GARIN1A: variants seen among roughly 807,000 people sequenced by gnomAD.
The protein encoded by GARIN1A is Golgi-associated RAB2 interactor protein 1A.
the GARIN1A span, among the ~76,000 whole-genome samples, chr7:128,703,360 A>C: frequency 2.2e-4 from 33 of 152,260 alleles, no homozygotes; most frequent in African/African-American, 8.0e-4. Context: ...TTAAACTGTA[A>C]ATAGTAAAAG....
At chr7:128,700,111 G>A in the GARIN1A span, among the ~76,000 whole-genome samples, 8 of 151,658 alleles carry the variant, frequency 5.3e-5, no homozygotes, top group African/African-American at 1.5e-4. Flanking sequence ...TTCTCTTTTT[G>A]AAATGGGGTC....
the GARIN1A span, among the ~76,000 whole-genome samples, chr7:128,682,333 G>A: frequency 1.3e-5 from 2 of 152,140 alleles, no homozygotes; most frequent in African/African-American, 4.8e-5. Flanking sequence ...TTTTGTCTTT[G>A]AGTCATAATA....
the GARIN1A span, among the ~76,000 whole-genome samples, chr7:128,706,070 C>G: frequency 6.6e-6 from 1 of 152,014 alleles, no homozygotes; most frequent in Admixed American, 6.5e-5. Context: ...CTCATAGGTT[C>G]CAATTTTATT....
the GARIN1A span, among the ~76,000 whole-genome samples, chr7:128,689,798 C>T: frequency 1.4e-5 from 2 of 147,332 alleles, no homozygotes; most frequent in Admixed American, 1.3e-4. Flanking sequence ...GGGGGTCAGC[C>T]CCCGCCCAGC....
chr7:128,693,515 G>T, the GARIN1A span: 1 of 189,388 alleles, frequency 5.3e-6, no homozygotes, highest in Non-Finnish European at 1.2e-5. Context: ...TGAAATGGGA[G>T]GTCACGGACC....
chr7:128,693,895 A>G, the GARIN1A span: 4 of 155,018 alleles, frequency 2.6e-5, no homozygotes, highest in East Asian at 7.5e-4. Context: ...GCCATCATAC[A>G]ACGGGGAGTG....
chr7:128,691,353 G>A, the GARIN1A span: 1 of 152,428 alleles, frequency 6.6e-6, no homozygotes, highest in Middle Eastern at 3.3e-3. Flanking sequence ...AGATCAGAGA[G>A]GATGAGGAGA....
At chr7:128,681,447 TCTCCC>T in the GARIN1A span, among the ~76,000 whole-genome samples, 36 of 59,108 alleles carry the variant, frequency 6.1e-4, 1 homozygote, top group East Asian at 1.6e-3. Flanking sequence ...CCTCCCCTCC[TCTCCC>T]CTCCCCTCCC....
chr7:128,686,251 C>G, the GARIN1A span: 2 of 152,104 alleles, frequency 1.3e-5, no homozygotes, highest in East Asian at 1.9e-4. Flanking sequence ...CAATTGGTCT[C>G]CCAGACTTTA....
At chr7:128,680,048 G>A in the GARIN1A span, 8 of 1,569,242 alleles carry the variant, frequency 5.1e-6, no homozygotes, top group Admixed American at 7.5e-5. Flanking sequence ...ACAGCCTCCT[G>A]TCATCCCCCC....
the GARIN1A span, among the ~76,000 whole-genome samples, chr7:128,699,346 G>C: frequency 7.3e-6 from 1 of 137,576 alleles, no homozygotes; most frequent in Non-Finnish European, 1.5e-5. Context: ...ATTTGTTCTT[G>C]TGTAATCTCA....
chr7:128,679,220 A>C, the GARIN1A span, among the ~76,000 whole-genome samples: 1 of 151,516 alleles, frequency 6.6e-6, no homozygotes, highest in African/African-American at 2.4e-5. Flanking sequence ...TTGAGATGGA[A>C]TCTCACTCTG....
chr7:128,679,278 C>T, the GARIN1A span, among the ~76,000 whole-genome samples: 11 of 151,814 alleles, frequency 7.2e-5, no homozygotes, highest in Admixed American at 6.6e-4. Flanking sequence ...CTGAAACCTC[C>T]GCCTCCCAGG....
At chr7:128,685,716 G>A in the GARIN1A span, 3 of 152,324 alleles carry the variant, frequency 2.0e-5, no homozygotes, top group South Asian at 2.1e-4. Context: ...TGTGCAGGGT[G>A]ATTGTACTTC....
the GARIN1A span, among the ~76,000 whole-genome samples, chr7:128,703,922 G>A: frequency 6.6e-6 from 1 of 152,178 alleles, no homozygotes; most frequent in African/African-American, 2.4e-5. Flanking sequence ...GTTGGAGGAT[G>A]CATTACCCTG....
chr7:128,689,715 G>A, the GARIN1A span, among the ~76,000 whole-genome samples: 569 of 146,622 alleles, frequency 3.9e-3, 21 homozygotes, highest in African/African-American at 0.014. Flanking sequence ...GTCCCCGCCC[G>A]GCAGCCACCC....
chr7:128,678,933 C>T, the GARIN1A span, among the ~76,000 whole-genome samples: 1 of 151,040 alleles, frequency 6.6e-6, no homozygotes, highest in Non-Finnish European at 1.5e-5. Flanking sequence ...AGCATTGTTG[C>T]ATACATATAT....
At chr7:128,688,973 G>A in the GARIN1A span, among the ~76,000 whole-genome samples, 28 of 151,556 alleles carry the variant, frequency 1.8e-4, no homozygotes, top group African/African-American at 6.8e-4. Context: ...ACTGGTTTTC[G>A]TATTTTTTTG....
chr7:128,698,525 A>T, the GARIN1A span, among the ~76,000 whole-genome samples: 2 of 152,054 alleles, frequency 1.3e-5, no homozygotes, highest in Non-Finnish European at 2.9e-5. Flanking sequence ...TGTCTGTGGG[A>T]GGGAGGGTTC....
Sources: gnomAD v4.1 joint callset for allele counts (sites outside exome capture counted in the v4.1 genomes callset) on GRCh38, gnomAD v4.1.1 for gene constraint, MANE v1.5 for transcripts, NCBI Gene and HGNC (gene_info 2026-07-23, HGNC 2026-07-21) for gene names.